NOS1: variants seen among roughly 807,000 people sequenced by gnomAD.
The protein encoded by NOS1 is nitric oxide synthase 1.
A neutral mutation model predicts 164.5 loss-of-function variants in NOS1; 51 were observed. That is an observed-to-expected ratio of 0.31 (90% CI 0.25 to 0.39). The LOEUF is 0.39. NOS1 is among the 10% of genes least tolerant of loss of function. NOS1 has a pLI of 1.00. For missense variants in NOS1, 1,362 were observed against 1,885.6 expected (o/e 0.72, Z 5.14); for synonymous variants, 719 against 745.8 (o/e 0.96, Z 0.59).
chr12:117,253,973 A>G (rs1871269996), intron 16 of NOS1, among the ~76,000 whole-genome samples: 1 of 152,186 alleles, frequency 6.6e-6, no homozygotes, highest in Non-Finnish European at 1.5e-5. Flanking sequence ...AACTGGTACT[A>G]AAAAGGTTTC....
chr12:117,239,607 A>C (rs1480489315), intron 20 of NOS1, among the ~76,000 whole-genome samples: 1 of 152,242 alleles, frequency 6.6e-6, no homozygotes. Flanking sequence ...GGGATTAGTG[A>C]TATCTTGGTT....
intron 1 of NOS1, among the ~76,000 whole-genome samples, chr12:117,359,820 C>A (rs1474164006): frequency 1.4e-5 from 2 of 139,434 alleles, no homozygotes; most frequent in Admixed American, 7.4e-5. Context: ...GTGGGGAAAC[C>A]CTAGACCTGC....
chr12:117,241,046 T>A (rs1347297934), intron 20 of NOS1, among the ~76,000 whole-genome samples: 1 of 151,944 alleles, frequency 6.6e-6, no homozygotes, highest in Non-Finnish European at 1.5e-5. Flanking sequence ...TTCCAGCGAT[T>A]CGCCTGCCTC....
At chr12:117,254,864 C>T (rs930623150) in intron 16 of NOS1, among the ~76,000 whole-genome samples, 1 of 152,182 alleles carries the variant, frequency 6.6e-6, no homozygotes, top group Non-Finnish European at 1.5e-5. Context: ...CCATTCAATA[C>T]TGTCCTTCCA....
Position 117,225,670 on chromosome 12 carries a change from C to T in NOS1, c.3705-533G>A, listed in dbSNP as rs9658507. Reference sequence around the variant, plus strand: ...TGAGACGAAGTCTCACTCTGTCACCCAGGCTGGAGTGCAGTAGTGTGATCT... The same window carrying T: ...TGAGACGAAGTCTCACTCTGTCACCTAGGCTGGAGTGCAGTAGTGTGATCT... On this transcript the variant is annotated intron_variant, in intron 24 of 28. Transcript: ENST00000317775. 9.6e-3 allele frequency among the ~76,000 whole-genome samples: 1,454 copies of T among 152,192 alleles called. 21 individuals carry two copies. The highest frequency in any genetic ancestry group is 0.032 in the African/African-American group (1,349 of 41,524).
intron 2 of NOS1, among the ~76,000 whole-genome samples, chr12:117,326,920 G>C (rs888508141): frequency 5.3e-5 from 8 of 152,320 alleles, no homozygotes; most frequent in Admixed American, 5.2e-4. Flanking sequence ...GGCTGGGGGA[G>C]AGGATCAAAC....
intron 7 of NOS1, among the ~76,000 whole-genome samples, chr12:117,281,519 CAAAAA>C (rs56248436): frequency 1.4e-4 from 7 of 50,852 alleles, no homozygotes; most frequent in African/African-American, 1.8e-4. Flanking sequence ...GACTCCATCT[CAAAAA>C]AAAAAAAAAA....
At chr12:117,304,655 A>G (rs1035381557) in intron 3 of NOS1, among the ~76,000 whole-genome samples, 3 of 152,200 alleles carry the variant, frequency 2.0e-5, no homozygotes, top group Non-Finnish European at 4.4e-5. Flanking sequence ...GGTGAAGATG[A>G]GGGTCACAAA....
chr12:117,335,771 A>AGAGAGAGACT (rs1875790373), intron 1 of NOS1, among the ~76,000 whole-genome samples: 1 of 147,744 alleles, frequency 6.8e-6, no homozygotes, highest in South Asian at 2.1e-4. Flanking sequence ...AGAGAGAGAG[A>AGAGAGAGACT]CAGGGTCTTG....
At chr12:117,284,772 G>T (rs867531342) in intron 7 of NOS1, among the ~76,000 whole-genome samples, 1 of 152,110 alleles carries the variant, frequency 6.6e-6, no homozygotes, top group South Asian at 2.1e-4. Flanking sequence ...TGCCGGGGCT[G>T]GGCGTGGTGG....
intron 20 of NOS1, among the ~76,000 whole-genome samples, chr12:117,239,549 C>T (rs1369047811): frequency 1.3e-5 from 2 of 152,230 alleles, no homozygotes; most frequent in Non-Finnish European, 2.9e-5. Context: ...CAAAAGGCTG[C>T]CTACTTCCTC....
intron 9 of NOS1, among the ~76,000 whole-genome samples, chr12:117,273,151 C>A (rs1370344070): frequency 6.6e-6 from 1 of 152,188 alleles, no homozygotes; most frequent in Non-Finnish European, 1.5e-5. Context: ...AGGCACCATA[C>A]ATTTCCTTTG....
intron 17 of NOS1, among the ~76,000 whole-genome samples, chr12:117,252,576 G>T (rs1425078628): frequency 6.6e-6 from 1 of 152,194 alleles, no homozygotes; most frequent in Non-Finnish European, 1.5e-5. Context: ...ATAATGATGT[G>T]TCATTGTAGG....
intron 3 of NOS1, among the ~76,000 whole-genome samples, chr12:117,308,599 ATT>A (rs1236088675): frequency 4.9e-5 from 7 of 143,442 alleles, no homozygotes; most frequent in Non-Finnish European, 4.6e-5. Context: ...AGATTATATA[ATT>A]TTTTTTTTTT....
chr12:117,251,938 G>T (rs1445683994), intron 17 of NOS1, among the ~76,000 whole-genome samples: 2 of 151,994 alleles, frequency 1.3e-5, no homozygotes, highest in Non-Finnish European at 2.9e-5. Context: ...TTGCTATGTT[G>T]CCCAGGCTGG....
At chr12:117,335,955 C>T (rs555099600) in intron 1 of NOS1, among the ~76,000 whole-genome samples, 1 of 152,270 alleles carries the variant, frequency 6.6e-6, no homozygotes, top group Admixed American at 6.5e-5. Flanking sequence ...GACCCTCCTG[C>T]CTCAGCCTCC....
intron 16 of NOS1, among the ~76,000 whole-genome samples, chr12:117,257,613 T>C (rs1217286024): frequency 9.3e-6 from 1 of 107,082 alleles, no homozygotes; most frequent in African/African-American, 3.7e-5. Flanking sequence ...TTAGCTTTTT[T>C]TTTTTTTTTT....
In NOS1 at chr12:117,212,963, A is replaced by C; in HGVS notation, c.*2346T>G. ...TTGTGTTGGGGATTGAAAGGTGTTT[A>C]CTTAAAAAAAAATCTTTCTGGAGAA... On this transcript the variant is annotated 3_prime_UTR_variant, in exon 29 of 29. Coordinates refer to ENST00000317775, the MANE Select transcript of NOS1 (RefSeq NM_000620.5). The C allele has an allele frequency of 1.0e-6, 1 of 985,268 alleles. No individual in the cohort carries two copies. 61.0% of individuals were successfully genotyped at this position (985,268 alleles called of 1,614,324 possible).
chr12:117,358,727 T>G (rs1876974800), intron 1 of NOS1, among the ~76,000 whole-genome samples: 1 of 152,096 alleles, frequency 6.6e-6, no homozygotes, highest in Non-Finnish European at 1.5e-5. Flanking sequence ...CAAGCTGAGG[T>G]CTTCACCAGG....
Sources: allele counts gnomAD v4.1 joint callset (sites outside exome capture counted in the v4.1 genomes callset), GRCh38; gene constraint gnomAD v4.1.1; transcripts MANE v1.5; gene names NCBI Gene and HGNC (gene_info 2026-07-23, HGNC 2026-07-21).